APBB2: variants seen among roughly 807,000 people sequenced by gnomAD.
The protein encoded by APBB2 is Fe65-like 1.
Under a neutral mutation model 82.5 loss-of-function variants are expected in APBB2, and 38 were observed. That is an observed-to-expected ratio of 0.46 (90% CI 0.36 to 0.60). APBB2 has a LOEUF of 0.60. Among genes scored for constraint, APBB2 ranks in the 20% least tolerant of loss-of-function variants. APBB2 has a pLI of 0.00. For missense variants in APBB2, 772 were observed against 972.3 expected (o/e 0.79, Z 2.74); for synonymous variants, 341 against 368.2 (o/e 0.93, Z 0.85).
chr4:41,119,310 A>C (rs376617243), intron 2 of APBB2, among the ~76,000 whole-genome samples: 13 of 152,086 alleles, frequency 8.5e-5, no homozygotes, highest in East Asian at 7.7e-4. Flanking sequence ...AGTTTGAACT[A>C]GGATCTCTAG....
chr4:40,999,332 T>A (rs954541501), intron 6 of APBB2, among the ~76,000 whole-genome samples: 2 of 152,158 alleles, frequency 1.3e-5, no homozygotes, highest in Admixed American at 6.5e-5. Context: ...TGGTCCCAGC[T>A]ACTCAGGAAA....
chr4:40,848,916 GCTACC>G lies in APBB2; in HGVS notation c.1530-18344_1530-18340del. 3.0e-6 allele frequency: 3 copies of G among 985,314 alleles called. No homozygotes were observed. The South Asian group carries it at 1.4e-4, about 46-fold the overall frequency. The allele number at this position is 985,314 out of a possible 1,614,324, so 61.0% of individuals were successfully genotyped here. A position where few individuals can be genotyped will look rare whatever the true frequency, so the allele number is the denominator to read the frequency against. On this transcript the variant is annotated intron_variant, in intron 12 of 17. Coordinates refer to ENST00000508593, the MANE Select transcript of APBB2 (RefSeq NM_004307.2). ...TTGTCAACATTCACAGCCATCTGAA[GCTACC>G]CTATTTCCCTCTCTCCACCAAGAAA...
At chr4:41,190,241 ATTTTTTTTTTTTT>A (rs1160837303) in intron 1 of APBB2, among the ~76,000 whole-genome samples, 4 of 71,808 alleles carry the variant, frequency 5.6e-5, no homozygotes, top group East Asian at 7.3e-4. Context: ...TACATAGGCT[ATTTTTTTTTTTTT>A]TTTTTTTTTT....
At chr4:40,841,718 A>T (rs1755874051) in intron 12 of APBB2, among the ~76,000 whole-genome samples, 1 of 152,136 alleles carries the variant, frequency 6.6e-6, no homozygotes, top group Admixed American at 6.5e-5. Flanking sequence ...TCCCTCTGTC[A>T]CCCTGGCTGG....
chr4:41,134,242 A>G (rs921153023), intron 2 of APBB2, among the ~76,000 whole-genome samples: 1 of 151,966 alleles, frequency 6.6e-6, no homozygotes, highest in Non-Finnish European at 1.5e-5. Context: ...TCAGCCTCTC[A>G]AAGGGCTGGG....
intron 1 of APBB2, among the ~76,000 whole-genome samples, chr4:41,210,652 A>G (rs1297174626): frequency 6.6e-6 from 1 of 152,242 alleles, no homozygotes; most frequent in Non-Finnish European, 1.5e-5. Flanking sequence ...AAATGAACAC[A>G]AAACAGTTTT....
rs1162379975 is a variant in APBB2 at position 40,945,206 on chromosome 4, G to A, written c.836-133C>T. 7.3e-6 allele frequency: 5 copies of A among 685,334 alleles called. No homozygotes were observed. The African/African-American group carries it at 8.8e-5, about 12-fold the overall frequency. The allele number at this position is 685,334 out of a possible 1,614,324, so 42.5% of individuals were successfully genotyped here. The stretch of plus-strand genomic sequence containing the variant: ...ATGATTAGTTCTTCCTGGTATGTTT[G>A]TGAAATCCATCCATACTGATGTGTG... On this transcript the variant is annotated intron_variant, in intron 6 of 17. Transcript: ENST00000508593.
chr4:40,813,024 T>C lies in APBB2; in HGVS notation c.*3068A>G, dbSNP rs1314646264. The C allele has an allele frequency of 2.0e-5, 3 of 152,238 alleles. No individual in the cohort carries two copies. The highest frequency in any genetic ancestry group is 2.1e-4 in the South Asian group (1 of 4,832). The allele number at this position is 152,238 out of a possible 1,614,324, so 9.4% of individuals were successfully genotyped here. A position where few individuals can be genotyped will look rare whatever the true frequency, so the allele number is the denominator to read the frequency against. On this transcript the variant is annotated 3_prime_UTR_variant, in exon 18 of 18. Coordinates refer to ENST00000508593, the MANE Select transcript of APBB2 (RefSeq NM_004307.2). ...AGTTTTTAGCCATAGGCATGTTGGCTAGTCGTTCCCCTTGATGTTGCCAAG... is the reference window on the plus strand; with the variant it reads ...AGTTTTTAGCCATAGGCATGTTGGCCAGTCGTTCCCCTTGATGTTGCCAAG...
chr4:40,972,599 A>G (rs1048143852), intron 6 of APBB2, among the ~76,000 whole-genome samples: 1 of 152,214 alleles, frequency 6.6e-6, no homozygotes, highest in Admixed American at 6.5e-5. Flanking sequence ...AGTTCATTCA[A>G]TGCACATGTG....
chr4:40,826,982 T>G lies in APBB2; in HGVS notation c.1732+150A>C. 1.5e-6 allele frequency: 1 copy of G among 671,058 alleles called. No individual in the cohort carries two copies. Among genetic ancestry groups the G allele is most frequent in the Non-Finnish European group, 2.6e-6 (1 of 383,740 alleles). 41.6% of individuals were successfully genotyped at this position (671,058 alleles called of 1,614,324 possible). On this transcript the variant is annotated intron_variant, in intron 14 of 17. Transcript: ENST00000508593. The surrounding 1 kb of genome is among the most constrained non-coding windows in gnomAD (Gnocchi z 4.5). ...ATGCAAAATCAACTCTGTGCCTCTG[T>G]GAGACCCAGCGTGCAGGCTCAACTT...
intron 1 of APBB2, among the ~76,000 whole-genome samples, chr4:41,212,807 G>A (rs1042572944): frequency 6.6e-6 from 1 of 152,228 alleles, no homozygotes; most frequent in South Asian, 2.1e-4. Context: ...TGTTCTCTCG[G>A]CATTTCCCCA....
At chr4:41,135,027 T>C (rs1446432817) in intron 2 of APBB2, among the ~76,000 whole-genome samples, 1 of 152,146 alleles carries the variant, frequency 6.6e-6, no homozygotes, top group African/African-American at 2.4e-5. Context: ...AAAGTCCTGA[T>C]TGGAACTCCA....
chr4:40,878,102 T>C (rs1175912538), intron 12 of APBB2, among the ~76,000 whole-genome samples: 1 of 148,336 alleles, frequency 6.7e-6, no homozygotes, highest in Non-Finnish European at 1.5e-5. Context: ...ATCCCAGCAC[T>C]TTGGGAGGCT....
intron 1 of APBB2, chr4:41,177,601 G>A (rs1770172261): frequency 6.6e-6 from 1 of 152,152 alleles, no homozygotes. Flanking sequence ...GTTTTATGAA[G>A]AGATGATAAT....
chr4:41,028,256 T>C (rs1715284550), intron 5 of APBB2, among the ~76,000 whole-genome samples: 1 of 152,244 alleles, frequency 6.6e-6, no homozygotes, highest in African/African-American at 2.4e-5. Context: ...GCGCACACTC[T>C]AGGGATTAGG....
intron 12 of APBB2, among the ~76,000 whole-genome samples, chr4:40,872,433 C>T (rs558875821): frequency 4.6e-5 from 7 of 152,148 alleles, no homozygotes; most frequent in Non-Finnish European, 8.8e-5. Context: ...TAGGGCTTGA[C>T]GGTCATGTTA....
At chr4:41,163,090 G>T (rs1444943354) in intron 1 of APBB2, among the ~76,000 whole-genome samples, 1 of 152,172 alleles carries the variant, frequency 6.6e-6, no homozygotes, top group East Asian at 1.9e-4. Flanking sequence ...ACCTAGGCTA[G>T]ACTTTGAAAA....
At chr4:41,155,009 G>A (rs1763120997) in intron 1 of APBB2, among the ~76,000 whole-genome samples, 1 of 152,166 alleles carries the variant, frequency 6.6e-6, no homozygotes, top group Non-Finnish European at 1.5e-5. Flanking sequence ...GTGGCCACCC[G>A]ATCCAACTCT....
chr4:40,912,109 A>C (rs1019593461), intron 10 of APBB2, among the ~76,000 whole-genome samples: 14 of 152,220 alleles, frequency 9.2e-5, no homozygotes, highest in African/African-American at 2.4e-4. Flanking sequence ...ACTCTTTTTT[A>C]TTTAATAGGA....
Sources: allele counts gnomAD v4.1 joint callset (sites outside exome capture counted in the v4.1 genomes callset), GRCh38; gene constraint gnomAD v4.1.1; non-coding constraint Gnocchi (gnomAD v3.1); transcripts MANE v1.5; gene names NCBI Gene and HGNC (gene_info 2026-07-23, HGNC 2026-07-21).